Variants in USP37 observed in about 807,000 individuals in gnomAD.
USP37 encodes the protein ubiquitin specific peptidase 37.
Under a neutral mutation model 124.0 loss-of-function variants are expected in USP37, and 27 were observed. That is an observed-to-expected ratio of 0.22 (90% CI 0.16 to 0.30). The LOEUF (loss-of-function observed/expected upper bound fraction) is 0.30, where lower values mean the gene tolerates loss of function less well. Ranked by LOEUF, USP37 falls within the 10% of genes least tolerant of loss-of-function variation. The pLI, the probability that USP37 is intolerant of heterozygous loss-of-function variation, is 1.00. For synonymous variants in USP37, 365 were observed against 388.0 expected (o/e 0.94, Z 0.70); for missense variants, 889 against 1,140.4 (o/e 0.78, Z 3.17).
intron 10 of USP37, among the ~76,000 whole-genome samples, chr2:218,529,205 A>T (rs1237382704): frequency 2.0e-5 from 3 of 152,324 alleles, no homozygotes; most frequent in Admixed American, 2.0e-4. Context: ...GCTAATTTTT[A>T]AAAAATTTTC....
intron 19 of USP37, among the ~76,000 whole-genome samples, chr2:218,475,907 CAG>C (rs1481835830): frequency 2.1e-5 from 3 of 144,818 alleles, no homozygotes; most frequent in South Asian, 4.5e-4. Flanking sequence ...GCCTGGGCAA[CAG>C]AGTGAGACTC....
At chr2:218,473,398 TA>T (rs1690797556) in intron 20 of USP37, among the ~76,000 whole-genome samples, 1 of 152,226 alleles carries the variant, frequency 6.6e-6, no homozygotes, top group Admixed American at 6.5e-5. Context: ...TGCCTGTGTA[TA>T]AAAACCATCA....
Position 218,476,811 on chromosome 2 carries a change from G to C in USP37, c.2043+29C>G, listed in dbSNP as rs914495096. ...GACAGTAAGAGATAAACAAATCTTT[G>C]TCAGATGTTTTAAGAAAATATTACT... is the stretch of plus-strand genomic sequence containing the variant. On this transcript the variant is annotated intron_variant, in intron 19 of 25. Transcript: ENST00000258399. The C allele has an allele frequency of 3.2e-6, 5 of 1,583,820 alleles. No homozygotes were observed. The African/African-American group carries it at 5.5e-5, about 17-fold the overall frequency.
In USP37 at chr2:218,558,833, T is replaced by C. The variant is rs1693166123; in HGVS notation, c.-24-156A>G. Reference sequence around the variant, plus strand: ...TGCCATGTGTCCAGTACTGTATTTATTAGTGCCTAAATTCTACATTTTGTA... The same window carrying C: ...TGCCATGTGTCCAGTACTGTATTTACTAGTGCCTAAATTCTACATTTTGTA... On this transcript the variant is annotated intron_variant, in intron 3 of 25. Transcript: ENST00000258399. 6.2e-6 allele frequency: 3 copies of C among 486,204 alleles called. No individual in the cohort carries two copies. In the East Asian group the frequency reaches 9.8e-5, roughly 16 times the overall value. 30.1% of individuals were successfully genotyped at this position (486,204 alleles called of 1,614,324 possible). A position where few individuals can be genotyped will look rare whatever the true frequency, so the allele number is the denominator to read the frequency against.
intron 18 of USP37, among the ~76,000 whole-genome samples, chr2:218,477,857 G>A (rs1470876870): frequency 6.6e-6 from 1 of 152,098 alleles, no homozygotes; most frequent in Non-Finnish European, 1.5e-5. Context: ...TCGTTAAAAG[G>A]TAAGCTTCAG....
At position 218,540,153 on chromosome 2, in the gene USP37, G is replaced by T. The variant is rs534821343; in HGVS notation, c.681-5447C>A. Among the ~76,000 whole-genome samples the T allele has an allele frequency of 2.6e-5, 4 of 152,168 alleles. No homozygotes were observed. The East Asian group carries it at 7.7e-4, about 29-fold the overall frequency. The stretch of plus-strand genomic sequence containing the variant: ...TGGATAATCATTAAGTAATATAAGG[G>T]TTACTTAACATAAACACAGCAATAC... On this transcript the variant is annotated intron_variant, in intron 8 of 25. Transcript: ENST00000258399.
chr2:218,470,432 T>C (rs1019400878), intron 20 of USP37, among the ~76,000 whole-genome samples: 1 of 152,220 alleles, frequency 6.6e-6, no homozygotes, highest in African/African-American at 2.4e-5. Flanking sequence ...CAAGTATTAC[T>C]GTTTTTTTCT....
chr2:218,500,827 G>A (rs1056769441), intron 11 of USP37: 2 of 153,400 alleles, frequency 1.3e-5, no homozygotes, highest in South Asian at 4.2e-4. Flanking sequence ...TTTCTAGCAG[G>A]GGAGTGCAGC....
intron 8 of USP37, among the ~76,000 whole-genome samples, chr2:218,537,301 A>C (rs1574940543): frequency 6.6e-6 from 1 of 152,238 alleles, no homozygotes; most frequent in East Asian, 1.9e-4. Flanking sequence ...CCCTAAGTCT[A>C]AAGGTGCCCT....
intron 8 of USP37, among the ~76,000 whole-genome samples, chr2:218,542,895 A>C (rs1040612439): frequency 1.3e-5 from 2 of 152,226 alleles, no homozygotes; most frequent in African/African-American, 4.8e-5. Context: ...ATTTGTTATT[A>C]AAAGTAGGGT....
At chr2:218,558,764 T>A in intron 3 of USP37, 87 bp from the exon 4 acceptor site, 1 of 1,015,592 alleles carries the variant, frequency 9.8e-7, no homozygotes, top group Non-Finnish European at 1.4e-6. Context: ...GTAATTAATT[T>A]CTAACCACCA....
At chr2:218,468,378 C>T (rs1303457017) in intron 20 of USP37, among the ~76,000 whole-genome samples, 1 of 151,110 alleles carries the variant, frequency 6.6e-6, no homozygotes, top group Non-Finnish European at 1.5e-5. Context: ...CATGCACCAC[C>T]ATGCCCAGCT....
chr2:218,458,858 G>A (rs1230143203), intron 23 of USP37, among the ~76,000 whole-genome samples: 2 of 152,090 alleles, frequency 1.3e-5, no homozygotes, highest in African/African-American at 4.8e-5. Context: ...CTTGAGCCCA[G>A]GAGTCTGAAG....
intron 19 of USP37, among the ~76,000 whole-genome samples, chr2:218,475,793 G>A (rs1046098109): frequency 3.9e-5 from 6 of 151,906 alleles, no homozygotes; most frequent in African/African-American, 1.5e-4. Flanking sequence ...AGATGTTGTG[G>A]TGTACGTCTG....
intron 1 of USP37, among the ~76,000 whole-genome samples, chr2:218,567,458 C>T (rs1693683864): frequency 6.6e-6 from 1 of 152,144 alleles, no homozygotes; most frequent in South Asian, 2.1e-4. Context: ...CGCACATTTA[C>T]GTACGCAGCC....
intron 16 of USP37, among the ~76,000 whole-genome samples, chr2:218,483,297 TG>T (rs112804822): frequency 0.049 from 7,374 of 151,478 alleles, 512 homozygotes; most frequent in African/African-American, 0.16. Flanking sequence ...CAGTAAAAGG[TG>T]GGGGGGAAGG....
At chr2:218,481,971 T>C in intron 17 of USP37, 99 bp downstream of exon 17, 3 of 1,376,648 alleles carry the variant, frequency 2.2e-6, no homozygotes, top group Non-Finnish European at 2.9e-6. Context: ...TGATTTTACC[T>C]TGGAGTCATA....
chr2:218,512,368 G>A (rs184409570), intron 10 of USP37, among the ~76,000 whole-genome samples: 16 of 152,130 alleles, frequency 1.1e-4, no homozygotes, highest in East Asian at 9.6e-4. Flanking sequence ...TTAGCCAAGC[G>A]TAGTGGCGCA....
intron 20 of USP37, among the ~76,000 whole-genome samples, chr2:218,474,395 T>C (rs917330684): frequency 1.3e-5 from 2 of 152,146 alleles, no homozygotes; most frequent in Admixed American, 1.3e-4. Context: ...GGAGTCTCAC[T>C]CTGTCGCCCA....
Sources: gnomAD v4.1 joint callset for allele counts (sites outside exome capture counted in the v4.1 genomes callset) on GRCh38, gnomAD v4.1.1 for gene constraint, MANE v1.5 for transcripts, NCBI Gene and HGNC (gene_info 2026-07-23, HGNC 2026-07-21) for gene names.